Variants in ACACB observed in about 807,000 individuals in gnomAD.
ACACB encodes acetyl-CoA carboxylase 2.
A neutral mutation model predicts 278.8 loss-of-function variants in ACACB; 209 were observed. The observed-to-expected ratio is 0.75, with a 90% CI of 0.67 to 0.84. The LOEUF (loss-of-function observed/expected upper bound fraction) is 0.84. Among genes scored for constraint, ACACB ranks in the 40% least tolerant of loss-of-function variants. ACACB has a pLI of 0.00. For synonymous variants in ACACB, 1,174 were observed against 1,285.6 expected, an observed-to-expected ratio of 0.91 and a Z score of 1.86; for missense variants, 2,850 against 3,269.0, an observed-to-expected ratio of 0.87 and a Z score of 3.13.
chr12:109,247,525 G>A (rs4766587), intron 39 of ACACB, 81 bp from the exon 40 acceptor site: 239,334 of 919,252 alleles, frequency 0.26, 34,224 homozygotes, highest in Admixed American at 0.39. Flanking sequence ...CCATCCCTAC[G>A]ATGTTCACAT....
At chr12:109,232,940 A>G (rs1233950830) in intron 29 of ACACB, 134 bp downstream of exon 29, 1 of 1,087,022 alleles carries the variant, frequency 9.2e-7, no homozygotes, top group Non-Finnish European at 1.3e-6. Context: ...CAATAACAAC[A>G]GAATAATAAT....
rs528304295 is a variant in ACACB, at chr12:109,185,840, G to A, written c.1980+100G>A. On this transcript the variant is annotated intron_variant, in intron 12 of 52. Coordinates refer to ENST00000338432, the MANE Select transcript of ACACB (RefSeq NM_001093.4). ...GGAAGAGACACCCACAAGCTATCCAGGCATCTCAGTTTACAAATGGGGAAA... is the reference window on the plus strand; with the variant it reads ...GGAAGAGACACCCACAAGCTATCCAAGCATCTCAGTTTACAAATGGGGAAA... 7 of 1,243,880 alleles carry A rather than the reference G, an allele frequency of 5.6e-6. No individual in the cohort carries two copies. The African/African-American group carries it at 7.8e-5, about 14-fold the overall frequency. 77.1% of individuals were successfully genotyped at this position (1,243,880 alleles called of 1,614,324 possible).
chr12:109,171,878 G>C lies in ACACB; in HGVS notation c.999G>C (p.Glu333Asp). 3.7e-6 allele frequency: 6 copies of C among 1,614,176 alleles called. No individual in the cohort carries two copies. Among genetic ancestry groups the C allele is most frequent in the Non-Finnish European group, 5.1e-6 (6 of 1,180,020 alleles). ...GPNNNNYANV[E>D]LIVDIAKRIP... is the part of the protein sequence containing the mutation. ...ATAACAACAACTATGCCAACGTGGA[G>C]CTGATTGTGGACATTGCCAAGAGAA... The change falls in exon 5 of 53, where the codon GAG becomes GAC. Residue 333 changes from glutamate to aspartate, a missense_variant. This residue lies in a region of ACACB where 2,265 missense variants were observed against 2,561.3 expected (regional missense o/e 0.88). Coordinates refer to ENST00000338432, the MANE Select transcript of ACACB (RefSeq NM_001093.4).
chr12:109,133,675 G>A (rs780025612), intron 1 of ACACB, among the ~76,000 whole-genome samples: 13 of 151,604 alleles, frequency 8.6e-5, no homozygotes, highest in Non-Finnish European at 1.5e-4. Context: ...AAGATTGGTC[G>A]CATTTGTATG....
At chr12:109,216,976 G>A (rs1165181051) in intron 24 of ACACB, 56 bp downstream of exon 24, 16 of 1,577,922 alleles carry the variant, frequency 1.0e-5, no homozygotes, top group South Asian at 8.1e-5. Context: ...GTCCACAAAC[G>A]TTTTCTTAAA....
chr12:109,248,172 G>A (rs546906041), intron 40 of ACACB, among the ~76,000 whole-genome samples: 4 of 152,330 alleles, frequency 2.6e-5, no homozygotes, highest in African/African-American at 9.6e-5. Flanking sequence ...TTAGTGACAA[G>A]CTGGGGGGAA....
intron 41 of ACACB, among the ~76,000 whole-genome samples, chr12:109,251,011 C>T (rs182246795): frequency 1.3e-5 from 2 of 152,148 alleles, no homozygotes; most frequent in Non-Finnish European, 1.5e-5. Context: ...TAGGAGGGGC[C>T]GCATGAACAG....
At chr12:109,210,202 T>C (rs867937233) in intron 21 of ACACB, among the ~76,000 whole-genome samples, 2 of 52,830 alleles carry the variant, frequency 3.8e-5, no homozygotes, top group East Asian at 4.7e-4. Context: ...TGTATATGTA[T>C]ATATGTATAT....
intron 24 of ACACB, among the ~76,000 whole-genome samples, chr12:109,217,715 G>C (rs577728026): frequency 0.056 from 8,461 of 152,160 alleles, 364 homozygotes; most frequent in African/African-American, 0.12. Flanking sequence ...CAGGAGGATT[G>C]CTTGAGCCTG....
rs771800598 is a variant in ACACB at position 109,241,227 on chromosome 12, C to G, written c.4968C>G (p.Gly1656=). The change falls in exon 36 of 53, where the codon GGC becomes GGG. Residue 1656 remains glycine (G), a synonymous_variant. Transcript: ENST00000338432. ...PIRLFITNES[G]YYLDISLYKE... is the part of the protein sequence containing the mutation. ...GCCTGTTCATCACCAATGAGTCGGG[C>G]TACTACCTGGACATCAGCCTCTACA... 4.3e-5 allele frequency: 70 copies of G among 1,614,098 alleles called. No individual in the cohort carries two copies. The highest frequency in any genetic ancestry group is 1.2e-4 in the Admixed American group (7 of 60,004).
chr12:109,201,842 C>T (rs995293241), intron 19 of ACACB, 141 bp downstream of exon 19: 5 of 1,161,992 alleles, frequency 4.3e-6, no homozygotes, highest in East Asian at 2.6e-5. Context: ...CAGCAGCCAC[C>T]GTGATGGTGC....
At chr12:109,154,969 T>G (rs189856012) in intron 2 of ACACB, 5 of 152,818 alleles carry the variant, frequency 3.3e-5, no homozygotes, top group African/African-American at 1.2e-4. Context: ...GTAATGACCA[T>G]GATCTTTTAC....
chr12:109,252,574 GAA>G (rs1197118471), intron 42 of ACACB: 1 of 170,222 alleles, frequency 5.9e-6, no homozygotes, highest in Non-Finnish European at 1.2e-5. Context: ...TTTCCTTGTT[GAA>G]AAGTCTCTAT....
chr12:109,187,553 G>A (rs2044707084), intron 12 of ACACB, among the ~76,000 whole-genome samples: 1 of 151,692 alleles, frequency 6.6e-6, no homozygotes, highest in Non-Finnish European at 1.5e-5. Flanking sequence ...CTAATCTCCT[G>A]GGCTCAAGAG....
chr12:109,213,054 A>T (rs1191747169), intron 22 of ACACB, 118 bp downstream of exon 22: 3 of 809,776 alleles, frequency 3.7e-6, no homozygotes, highest in Non-Finnish European at 6.2e-6. Context: ...AAAGTGTGTT[A>T]TAGTCCTGCA....
intron 22 of ACACB, among the ~76,000 whole-genome samples, chr12:109,213,572 C>T (rs1414579263): frequency 6.6e-6 from 1 of 152,052 alleles, no homozygotes; most frequent in East Asian, 1.9e-4. Flanking sequence ...TTTCCCGCTG[C>T]AGGACTATTC....
intron 22 of ACACB, among the ~76,000 whole-genome samples, chr12:109,216,332 A>C (rs1593600916): frequency 6.8e-6 from 1 of 146,006 alleles, no homozygotes; most frequent in African/African-American, 2.6e-5. Context: ...AGCTATTCTC[A>C]TGCCTCAGCC....
At chr12:109,235,085 T>C (rs912934121) in intron 31 of ACACB, among the ~76,000 whole-genome samples, 3 of 151,926 alleles carry the variant, frequency 2.0e-5, no homozygotes, top group African/African-American at 7.3e-5. Context: ...CCAAAAACCC[T>C]CTCCCCACCA....
intron 1 of ACACB, among the ~76,000 whole-genome samples, chr12:109,123,785 G>T (rs2042611110): frequency 6.6e-6 from 1 of 151,200 alleles, no homozygotes; most frequent in Non-Finnish European, 1.5e-5. Flanking sequence ...ACTACCCTGG[G>T]CTCCCATCTC....
Sources: allele counts gnomAD v4.1 joint callset (sites outside exome capture counted in the v4.1 genomes callset), GRCh38; gene constraint gnomAD v4.1.1; regional missense constraint gnomAD v4.1.1; transcripts MANE v1.5; gene names NCBI Gene and HGNC (gene_info 2026-07-23, HGNC 2026-07-21).